PCLO: variants seen among roughly 807,000 people sequenced by gnomAD.
The protein encoded by PCLO is protein piccolo.
In PCLO, 82 loss-of-function variants were observed where a neutral mutation model predicts 427.5. The observed-to-expected ratio is 0.19, with a 90% CI of 0.16 to 0.23. The LOEUF (loss-of-function observed/expected upper bound fraction) is 0.23. Among genes scored for constraint, PCLO ranks in the 10% least tolerant of loss-of-function variants. PCLO has a pLI of 1.00. For synonymous variants in PCLO, 2,357 were observed against 2,155.4 expected (o/e 1.09, Z -2.59); for missense variants, 6,239 against 6,115.9 (o/e 1.02, Z -0.67).
intron 3 of PCLO, among the ~76,000 whole-genome samples, chr7:82,973,152 T>C (rs904830078): frequency 6.6e-5 from 10 of 152,084 alleles, no homozygotes; most frequent in Non-Finnish European, 1.0e-4. Context: ...ACATTAGAAA[T>C]CTATAATCAG....
At chr7:82,986,607 T>A (rs1242180052) in intron 3 of PCLO, among the ~76,000 whole-genome samples, 4 of 151,962 alleles carry the variant, frequency 2.6e-5, no homozygotes, top group African/African-American at 7.2e-5. Context: ...CATTGTTCAT[T>A]TATACAGATG....
chr7:83,057,844 G>A (rs1978175), intron 3 of PCLO, among the ~76,000 whole-genome samples: 115,104 of 151,308 alleles, frequency 0.76, 44,111 homozygotes, highest in African/African-American at 0.87. Flanking sequence ...GTATACTGAA[G>A]AAAATACAGA....
Position 83,058,191 on chromosome 7 carries a change from C to T in PCLO, c.3300+76059G>A, listed in dbSNP as rs150709872. Among the ~76,000 whole-genome samples the T allele has an allele frequency of 7.2e-3, 1,092 of 152,302 alleles. 49 individuals carry two copies. Among genetic ancestry groups the T allele is most frequent in the Admixed American group, 0.055 (839 of 15,294 alleles). On this transcript the variant is annotated intron_variant, in intron 3 of 24. Coordinates refer to ENST00000333891, the MANE Select transcript of PCLO (RefSeq NM_033026.6). ...AGTTCATTATTTGGAATAATATTCT[C>T]ACAGAGTAGTTTGAAATCAGGACAG... is the stretch of plus-strand genomic sequence containing the variant.
chr7:82,877,126 T>C (rs917790300), intron 10 of PCLO, among the ~76,000 whole-genome samples: 1 of 152,134 alleles, frequency 6.6e-6, no homozygotes, highest in African/African-American at 2.4e-5. Flanking sequence ...TCTCTTGAGA[T>C]GGTATCATAT....
intron 4 of PCLO, among the ~76,000 whole-genome samples, chr7:82,964,834 T>A (rs1221177199): frequency 6.6e-6 from 1 of 152,146 alleles, no homozygotes; most frequent in Non-Finnish European, 1.5e-5. Flanking sequence ...GTGTGATGCA[T>A]CAGATAGCAG....
intron 3 of PCLO, among the ~76,000 whole-genome samples, chr7:83,116,724 G>T (rs1791143674): frequency 6.6e-6 from 1 of 152,074 alleles, no homozygotes; most frequent in Admixed American, 6.6e-5. Context: ...TAGAATAAAA[G>T]ACTTGAGCTC....
At chr7:82,793,768 G>T (rs952289859) in intron 22 of PCLO, among the ~76,000 whole-genome samples, 4 of 152,116 alleles carry the variant, frequency 2.6e-5, no homozygotes, top group Non-Finnish European at 4.4e-5. Context: ...ATTGTCTTTA[G>T]ATTCTCCTTA....
intron 9 of PCLO, among the ~76,000 whole-genome samples, chr7:82,900,058 T>G (rs1794002684): frequency 1.3e-5 from 2 of 151,644 alleles, no homozygotes; most frequent in African/African-American, 4.8e-5. Context: ...GCCCTTGGAT[T>G]TTAACATTCA....
At chr7:83,100,898 G>A (rs1031592820) in intron 3 of PCLO, among the ~76,000 whole-genome samples, 5 of 151,992 alleles carry the variant, frequency 3.3e-5, no homozygotes, top group Non-Finnish European at 7.4e-5. Context: ...TACACACAGC[G>A]ATATACAAAC....
chr7:83,060,934 C>T (rs560719656), intron 3 of PCLO, among the ~76,000 whole-genome samples: 18 of 152,246 alleles, frequency 1.2e-4, no homozygotes, highest in African/African-American at 4.3e-4. Context: ...GGTAGATATA[C>T]CAGAATATGT....
intron 22 of PCLO, among the ~76,000 whole-genome samples, chr7:82,799,560 C>T (rs1253412056): frequency 6.6e-6 from 1 of 152,104 alleles, no homozygotes; most frequent in African/African-American, 2.4e-5. Flanking sequence ...CTTATATGCT[C>T]TCAGATGCAT....
At chr7:82,871,736 T>A (rs570466583) in intron 10 of PCLO, among the ~76,000 whole-genome samples, 1 of 152,086 alleles carries the variant, frequency 6.6e-6, no homozygotes, top group African/African-American at 2.4e-5. Flanking sequence ...ACAACTATTA[T>A]GTGCCAATAA....
chr7:82,777,405 T>C (rs2129468005), intron 22 of PCLO, among the ~76,000 whole-genome samples: 1 of 152,122 alleles, frequency 6.6e-6, no homozygotes, highest in East Asian at 1.9e-4. Flanking sequence ...AAAAAATATT[T>C]TAAAATTCAT....
At chr7:82,791,582 G>A (rs987818873) in intron 22 of PCLO, among the ~76,000 whole-genome samples, 1 of 131,076 alleles carries the variant, frequency 7.6e-6, no homozygotes, top group African/African-American at 3.0e-5. Flanking sequence ...ATATATTGAT[G>A]ATTTTAGAGA....
At position 82,999,794 on chromosome 7, in the gene PCLO, A is replaced by ATAATATT. The variant is rs1787764568; in HGVS notation, c.3301-33308_3301-33307insAATATTA. 1.8e-5 allele frequency among the ~76,000 whole-genome samples: 2 copies of ATAATATT among 114,272 alleles called. 1 individual carries two copies. The allele number at this position is 114,272 out of a possible 152,430, so 75.0% of individuals were successfully genotyped here. The stretch of plus-strand genomic sequence containing the variant: ...ATATATAATATTATATATAAAATAT[A>ATAATATT]ATATATAATATTATATATAAAATAT... On this transcript the variant is annotated intron_variant, in intron 3 of 24. Coordinates refer to ENST00000333891, the MANE Select transcript of PCLO (RefSeq NM_033026.6).
intron 10 of PCLO, among the ~76,000 whole-genome samples, chr7:82,868,458 AC>A (rs1405468562): frequency 1.3e-5 from 2 of 152,150 alleles, no homozygotes; most frequent in African/African-American, 4.8e-5. Context: ...CTTGCCAGAA[AC>A]CCTGTCAGTT....
intron 3 of PCLO, among the ~76,000 whole-genome samples, chr7:83,058,958 C>T (rs892725827): frequency 6.6e-5 from 10 of 151,896 alleles, no homozygotes; most frequent in East Asian, 1.9e-4. Context: ...CAGTCCTCTC[C>T]CCCCTCCTTA....
In PCLO at chr7:82,814,739, C is replaced by G. The variant is rs533094342; in HGVS notation, c.14791+7756G>C. Among the ~76,000 whole-genome samples the G allele has an allele frequency of 2.2e-4, 34 of 151,844 alleles. 1 individual carries two copies. Among genetic ancestry groups the G allele is most frequent in the African/African-American group, 7.7e-4 (32 of 41,482 alleles). ...ACCTTATGTAGCTGCTGGAAAACTC[C>G]ACTGTACACTCGAGAAAAAAATGAG... On this transcript the variant is annotated intron_variant, in intron 20 of 24. Transcript: ENST00000333891.
chr7:82,815,899 T>A (rs1310438875), intron 20 of PCLO, among the ~76,000 whole-genome samples: 2 of 152,234 alleles, frequency 1.3e-5, no homozygotes, highest in African/African-American at 4.8e-5. Context: ...CATTAAAATA[T>A]AAAATGATGG....
Sources: gnomAD v4.1 joint callset for allele counts (sites outside exome capture counted in the v4.1 genomes callset) on GRCh38, gnomAD v4.1.1 for gene constraint, MANE v1.5 for transcripts, NCBI Gene and HGNC (gene_info 2026-07-23, HGNC 2026-07-21) for gene names.